UGT1A7: variants seen among roughly 807,000 people sequenced by gnomAD.
UGT1A7 encodes the protein UDP glucuronosyltransferase family 1 member A7, also known as UDP-glucuronosyltransferase 1A7.
UGT1A7 carries 33 observed loss-of-function variants against 45.6 expected under a neutral mutation model. The ratio of observed to expected loss-of-function variants is 0.72; its 90% CI spans 0.55 to 0.97. UGT1A7 has a LOEUF of 0.97. Among genes scored for constraint, UGT1A7 ranks in the 50% least tolerant of loss-of-function variants. The pLI is 0.00. For missense variants in UGT1A7, 684 were observed against 666.2 expected, an observed-to-expected ratio of 1.03 and a Z score of -0.29; for synonymous variants, 274 against 250.6, an observed-to-expected ratio of 1.09 and a Z score of -0.88.
intron 1 of UGT1A7, among the ~76,000 whole-genome samples, chr2:233,733,416 G>A (rs570726599): frequency 2.1e-4 from 32 of 152,222 alleles, no homozygotes; most frequent in African/African-American, 7.5e-4. Context: ...TCCAGTTTTC[G>A]CCTACTCAGT....
At chr2:233,743,042 G>A (rs554129345) in intron 1 of UGT1A7, 2 of 311,812 alleles carry the variant, frequency 6.4e-6, no homozygotes, top group East Asian at 8.2e-5. Flanking sequence ...GGTCCTATCC[G>A]TGTAGTCCCA....
chr2:233,772,961 T>C lies in UGT1A7; in HGVS notation c.*402T>C, dbSNP rs1575872902. On this transcript the variant is annotated 3_prime_UTR_variant, in exon 5 of 5. Transcript: ENST00000373426. The stretch of plus-strand genomic sequence containing the variant: ...TTTGGCTTCTGCAGATGGTTGCAAT[T>C]GATCCTTAACCAATAATGGTCAGTC... 2 of 315,806 alleles carry C rather than the reference T, an allele frequency of 6.3e-6. No homozygotes were observed. Among genetic ancestry groups the C allele is most frequent in the East Asian group, 1.6e-4 (2 of 12,236 alleles). 19.6% of individuals were successfully genotyped at this position (315,806 alleles called of 1,614,324 possible).
intron 1 of UGT1A7, chr2:233,760,930 A>T: frequency 6.2e-7 from 1 of 1,614,176 alleles, no homozygotes; most frequent in East Asian, 2.2e-5. Context: ...GAACATGCTC[A>T]TTGCCTTTTC....
At chr2:233,727,618 G>A (rs577107936) in intron 1 of UGT1A7, among the ~76,000 whole-genome samples, 2 of 152,292 alleles carry the variant, frequency 1.3e-5, no homozygotes, top group South Asian at 2.1e-4. Context: ...TTCAGAGGCT[G>A]AGAGGTTGCA....
intron 1 of UGT1A7, among the ~76,000 whole-genome samples, chr2:233,739,207 A>C (rs1231996785): frequency 6.6e-6 from 1 of 152,240 alleles, no homozygotes; most frequent in African/African-American, 2.4e-5. Context: ...CGTTTGCTGC[A>C]TGGATAGAGT....
rs949471199 is a variant in UGT1A7, at chr2:233,747,414, C to T, written c.856-19620C>T. Reference sequence around the variant, plus strand: ...GGTCCTCACCCCAGAGGTGAATATGCACATCAAACAAGAGAAATTTTTCAC... The same window carrying T: ...GGTCCTCACCCCAGAGGTGAATATGTACATCAAACAAGAGAAATTTTTCAC... On this transcript the variant is annotated intron_variant, in intron 1 of 4. Transcript: ENST00000373426. 5.6e-6 allele frequency: 9 copies of T among 1,606,904 alleles called. No individual in the cohort carries two copies. In the Admixed American group the frequency reaches 6.7e-5, roughly 12 times the overall value.
At chr2:233,756,557 G>C (rs1264520005) in intron 1 of UGT1A7, among the ~76,000 whole-genome samples, 1 of 152,134 alleles carries the variant, frequency 6.6e-6, no homozygotes, top group Admixed American at 6.6e-5. Flanking sequence ...CAACCAGGGA[G>C]ATCCTCTCAG....
chr2:233,732,012 G>A (rs1045878291), intron 1 of UGT1A7, among the ~76,000 whole-genome samples: 10 of 152,206 alleles, frequency 6.6e-5, no homozygotes, highest in Non-Finnish European at 1.0e-4. Flanking sequence ...TTGTGGTTTT[G>A]ATTTGCATTT....
intron 1 of UGT1A7, among the ~76,000 whole-genome samples, chr2:233,702,537 T>G (rs2075692564): frequency 6.6e-6 from 1 of 152,208 alleles, no homozygotes; most frequent in Non-Finnish European, 1.5e-5. Context: ...ATCTTGTTCC[T>G]GATCTTAGGT....
At chr2:233,729,643 T>C (rs1469650608) in intron 1 of UGT1A7, 1 of 1,613,972 alleles carries the variant, frequency 6.2e-7, no homozygotes, top group East Asian at 2.2e-5. Context: ...TGTGTTTTTT[T>C]TGAGGAACAT....
chr2:233,733,407 C>T (rs906302145), intron 1 of UGT1A7, among the ~76,000 whole-genome samples: 4 of 152,152 alleles, frequency 2.6e-5, no homozygotes, highest in African/African-American at 9.7e-5. Flanking sequence ...GGGAATGCTT[C>T]CAGTTTTCGC....
At chr2:233,730,613 G>C (rs1454743444) in intron 1 of UGT1A7, among the ~76,000 whole-genome samples, 2 of 152,156 alleles carry the variant, frequency 1.3e-5, no homozygotes. Context: ...AGATTTTCTG[G>C]TCAGGATTTG....
At chr2:233,766,983 C>T (rs1040066735) in intron 1 of UGT1A7, 51 bp from the exon 2 acceptor site, 20 of 1,612,672 alleles carry the variant, frequency 1.2e-5, no homozygotes, top group Non-Finnish European at 1.7e-5. Flanking sequence ...TGTATGTAGT[C>T]ATCAAAGAAT....
rs1693746524 is a variant in UGT1A7, at chr2:233,747,672, A to G, written c.856-19362A>G. Reference sequence around the variant, plus strand: ...CTTCGATGTGGTTTTAATAGACCCAATTTACCTCTGTGGGGCAGTGCTGGC... The same window carrying G: ...CTTCGATGTGGTTTTAATAGACCCAGTTTACCTCTGTGGGGCAGTGCTGGC... On this transcript the variant is annotated intron_variant, in intron 1 of 4. Transcript: ENST00000373426. 1.4e-5 allele frequency: 22 copies of G among 1,605,362 alleles called. No individual in the cohort carries two copies. The South Asian group carries it at 1.4e-4, about 10-fold the overall frequency.
intron 1 of UGT1A7, among the ~76,000 whole-genome samples, chr2:233,720,592 G>A (rs1417484127): frequency 6.6e-6 from 1 of 151,946 alleles, no homozygotes; most frequent in Non-Finnish European, 1.5e-5. Context: ...TTTCAGAGGT[G>A]ACTTTCATTA....
chr2:233,757,475 A>T (rs1291183794), intron 1 of UGT1A7, among the ~76,000 whole-genome samples: 1 of 148,302 alleles, frequency 6.7e-6, no homozygotes, highest in Non-Finnish European at 1.5e-5. Context: ...CTGTCTCCAA[A>T]ACCATGGACT....
In UGT1A7 at chr2:233,743,703, C is replaced by T. The variant is rs200396442; in HGVS notation, c.856-23331C>T. 2.1e-4 allele frequency: 292 copies of T among 1,367,370 alleles called. 6 individuals are homozygous for T. Among genetic ancestry groups the T allele is most frequent in the African/African-American group, 1.2e-3 (81 of 67,578 alleles). 84.7% of individuals were successfully genotyped at this position (1,367,370 alleles called of 1,614,324 possible). On this transcript the variant is annotated intron_variant, in intron 1 of 4. Coordinates refer to ENST00000373426, the MANE Select transcript of UGT1A7 (RefSeq NM_019077.3). ...CCGCCTGTGCAGCCGCCCTCCGCCCCCGCCTCGCCATAGCGGTCATAGATA... is the reference window on the plus strand; with the variant it reads ...CCGCCTGTGCAGCCGCCCTCCGCCCTCGCCTCGCCATAGCGGTCATAGATA...
chr2:233,766,270 CGG>C (rs1699091284), intron 1 of UGT1A7, among the ~76,000 whole-genome samples: 2 of 67,854 alleles, frequency 2.9e-5, no homozygotes, highest in Non-Finnish European at 5.8e-5. Flanking sequence ...GGCCCGGGCT[CGG>C]TGGCCCGGGC....
chr2:233,758,555 A>G (rs1183009321), intron 1 of UGT1A7, among the ~76,000 whole-genome samples: 1 of 152,170 alleles, frequency 6.6e-6, no homozygotes, highest in African/African-American at 2.4e-5. Context: ...CTTGCCCAGA[A>G]TCTTGGTCCT....
Sources: allele counts gnomAD v4.1 joint callset (sites outside exome capture counted in the v4.1 genomes callset), GRCh38; gene constraint gnomAD v4.1.1; transcripts MANE v1.5; gene names NCBI Gene and HGNC (gene_info 2026-07-23, HGNC 2026-07-21).